Variants in CASK observed in about 807,000 individuals in gnomAD.
The protein encoded by CASK is calcium/calmodulin dependent serine protein kinase, also known as peripheral plasma membrane protein CASK.
A neutral mutation model predicts 82.9 loss-of-function variants in CASK; 4 were observed. That is an observed-to-expected ratio of 0.05 (90% CI 0.02 to 0.11). CASK has a LOEUF of 0.11. CASK is among the 10% of genes least tolerant of loss of function. The pLI, the probability that CASK is intolerant of heterozygous loss-of-function variation, is 1.00. For missense variants in CASK, 358 were observed against 720.9 expected, an observed-to-expected ratio of 0.50 and a Z score of 5.76; for synonymous variants, 259 against 253.5, an observed-to-expected ratio of 1.02 and a Z score of -0.20.
chrX:41,534,042 C>A (rs1417764643), intron 24 of CASK, among the ~76,000 whole-genome samples: 1 of 111,734 alleles, frequency 8.9e-6, no homozygotes, highest in African/African-American at 3.3e-5. Context: ...CTGCTAAGTG[C>A]TTCATACACA....
intron 22 of CASK, among the ~76,000 whole-genome samples, chrX:41,537,301 TA>T (rs1441504226): frequency 9.0e-6 from 1 of 110,891 alleles, no homozygotes; most frequent in African/African-American, 3.3e-5. Flanking sequence ...TGAGAAACAA[TA>T]AAAAAAGGGT....
rs189410809 is a variant in CASK, at chrX:41,616,239, A to G, written c.1034-6214T>C. ...ATTTTATTCATTTTATAATATCTAC[A>G]AAGTATGCACTGAATTAAGTACTTA... On this transcript the variant is annotated intron_variant, in intron 11 of 26. Transcript: ENST00000378163. 3.6e-5 allele frequency among the ~76,000 whole-genome samples: 4 copies of G among 112,013 alleles called. No individual in the cohort carries two copies. In the East Asian group the frequency reaches 1.1e-3, roughly 31 times the overall value.
chrX:41,711,468 A>G (rs1233277548), intron 5 of CASK, among the ~76,000 whole-genome samples: 1 of 111,561 alleles, frequency 9.0e-6, no homozygotes, highest in Non-Finnish European at 1.9e-5. Flanking sequence ...AAGAGAAAGA[A>G]TGAAAGTGAC....
At chrX:41,631,717 C>T (rs1199647370) in intron 9 of CASK, among the ~76,000 whole-genome samples, 6 of 110,497 alleles carry the variant, frequency 5.4e-5, no homozygotes, top group South Asian at 7.9e-4. Context: ...GTGATCCGCC[C>T]GCCTCAGCCT....
chrX:41,885,268 A>G (rs1326281666), intron 1 of CASK, among the ~76,000 whole-genome samples: 1 of 112,017 alleles, frequency 8.9e-6, no homozygotes, highest in Non-Finnish European at 1.9e-5. Context: ...CCTGGCACTC[A>G]ATAAAGAACC....
At chrX:41,856,904 C>T (rs1032800562) in intron 1 of CASK, among the ~76,000 whole-genome samples, 3 of 110,194 alleles carry the variant, frequency 2.7e-5, no homozygotes, top group Admixed American at 9.6e-5. Flanking sequence ...GTCACATATA[C>T]ACTGAACGCA....
chrX:41,828,315 G>A (rs1458583874), intron 2 of CASK, among the ~76,000 whole-genome samples: 3 of 111,379 alleles, frequency 2.7e-5, no homozygotes, highest in Non-Finnish European at 5.6e-5. Context: ...TCTTAGTCTC[G>A]TGCAAGAGAT....
At chrX:41,742,928 G>A (rs1003173716) in intron 4 of CASK, among the ~76,000 whole-genome samples, 4 of 111,733 alleles carry the variant, frequency 3.6e-5, no homozygotes, top group African/African-American at 1.3e-4. Context: ...ACTCTTTTCT[G>A]GTCCACTCTG....
intron 1 of CASK, among the ~76,000 whole-genome samples, chrX:41,891,791 A>G (rs2072174882): frequency 1.8e-5 from 2 of 112,604 alleles, no homozygotes; most frequent in Admixed American, 9.4e-5. Flanking sequence ...CAAGAAAAAC[A>G]TTAGGCAACT....
chrX:41,534,783 G>A lies in CASK; in HGVS notation c.2240C>T (p.Ala747Val). The change falls in exon 24 of 27, where the codon GCA (alanine) becomes GTA (valine). Residue 747 changes from alanine (A) to valine (V), a missense_variant. Transcript: ENST00000378163. ...FKRKTLVLLGAHGVGRRHIKN... is the reference protein window; with the variant it reads ...FKRKTLVLLGVHGVGRRHIKN... ...TATGTGTCTTCTCCCAACACCATGT[G>A]CGCCTATGTCATTTAGAAAAAAAGA... 8.3e-7 allele frequency: 1 copy of A among 1,202,688 alleles called. No individual in the cohort carries two copies. Among genetic ancestry groups the A allele is most frequent in the Non-Finnish European group, 1.1e-6 (1 of 887,493 alleles).
At chrX:41,639,300 T>C (rs937060104) in intron 8 of CASK, among the ~76,000 whole-genome samples, 2 of 109,690 alleles carry the variant, frequency 1.8e-5, no homozygotes, top group African/African-American at 6.6e-5. Context: ...TCTTGATCTC[T>C]TGGCCTCGTG....
At chrX:41,652,351 C>A (rs996639069) in intron 8 of CASK, among the ~76,000 whole-genome samples, 1 of 111,987 alleles carries the variant, frequency 8.9e-6, no homozygotes, top group African/African-American at 3.2e-5. Context: ...GCCATCAAAA[C>A]TAGATGAGCT....
intron 5 of CASK, among the ~76,000 whole-genome samples, chrX:41,699,943 A>G (rs1602489665): frequency 8.9e-6 from 1 of 111,822 alleles, no homozygotes; most frequent in East Asian, 2.8e-4. Context: ...AACAGTTCCT[A>G]CCTCTCCTAA....
chrX:41,793,890 C>G (rs1297078047), intron 2 of CASK, among the ~76,000 whole-genome samples: 1 of 111,409 alleles, frequency 9.0e-6, no homozygotes, highest in Non-Finnish European at 1.9e-5. Flanking sequence ...ATCTCATAAT[C>G]AAGTTGAAGA....
chrX:41,719,399 A>C (rs2068121939), intron 5 of CASK, among the ~76,000 whole-genome samples: 2 of 112,149 alleles, frequency 1.8e-5, no homozygotes, highest in Admixed American at 1.9e-4. Context: ...TGGATGCACA[A>C]GGAAATGCAA....
Position 41,517,874 on chromosome X carries a change from A to C in CASK, c.*2546T>G. The stretch of plus-strand genomic sequence containing the variant: ...AAATGTAAGTATATGCAGCTAGGTC[A>C]TAAAGACACTGCTTTAGAGAAGACA... On this transcript the variant is annotated 3_prime_UTR_variant, in exon 27 of 27. Transcript: ENST00000378163. 3 of 575,405 alleles carry C rather than the reference A, an allele frequency of 5.2e-6. No individual in the cohort carries two copies. The highest frequency in any genetic ancestry group is 8.6e-6 in the Non-Finnish European group (3 of 350,668). 47.4% of individuals were successfully genotyped at this position (575,405 alleles called of 1,213,427 possible). A position where few individuals can be genotyped will look rare whatever the true frequency, so the allele number is the denominator to read the frequency against.
intron 13 of CASK, among the ~76,000 whole-genome samples, chrX:41,589,114 T>C (rs1422751075): frequency 1.8e-5 from 2 of 112,412 alleles, no homozygotes; most frequent in East Asian, 2.8e-4. Flanking sequence ...TTTACAAAAA[T>C]GACTTCTTTG....
At position 41,611,205 on chromosome X, in the gene CASK, AT is replaced by A. The variant is rs1228095555; in HGVS notation, c.1034-1181del. On this transcript the variant is annotated intron_variant, in intron 11 of 26. Coordinates refer to ENST00000378163, the MANE Select transcript of CASK (RefSeq NM_001367721.1). ...TCAGTAGTGCTGTGGTTGAGAAATTATATTTTTGATAAAGATAAAAATCTTT... is the reference window on the plus strand; with the variant it reads ...TCAGTAGTGCTGTGGTTGAGAAATTAATTTTTGATAAAGATAAAAATCTTT... Among the ~76,000 whole-genome samples the A allele has an allele frequency of 9.8e-5, 11 of 111,809 alleles. No individual in the cohort carries two copies. In the South Asian group the frequency reaches 3.0e-3, roughly 30 times the overall value.
At chrX:41,720,179 C>T (rs943334229) in intron 5 of CASK, among the ~76,000 whole-genome samples, 1 of 113,293 alleles carries the variant, frequency 8.8e-6, no homozygotes, top group Non-Finnish European at 1.9e-5. Context: ...GAAACGCTCC[C>T]ATTGCTTGCT....
Sources: gnomAD v4.1 joint callset for allele counts (sites outside exome capture counted in the v4.1 genomes callset) on GRCh38, gnomAD v4.1.1 for gene constraint, MANE v1.5 for transcripts, NCBI Gene and HGNC (gene_info 2026-07-23, HGNC 2026-07-21) for gene names.